Variants in LRBA observed in about 807,000 individuals in gnomAD.
LRBA encodes the protein LPS responsive beige-like anchor protein.
Under a neutral mutation model 330.0 loss-of-function variants are expected in LRBA, and 176 were observed. The ratio of observed to expected loss-of-function variants is 0.53; its 90% CI spans 0.47 to 0.60. The LOEUF (loss-of-function observed/expected upper bound fraction) is 0.60. LRBA is among the 20% of genes least tolerant of loss of function. LRBA has a pLI of 0.00. For synonymous variants in LRBA, 1,230 were observed against 1,193.0 expected (o/e 1.03, Z -0.64); for missense variants, 3,259 against 3,444.8 (o/e 0.95, Z 1.35).
At chr4:150,966,345 T>C (rs1738883344) in intron 2 of LRBA, among the ~76,000 whole-genome samples, 1 of 151,646 alleles carries the variant, frequency 6.6e-6, no homozygotes, top group Admixed American at 6.6e-5. Context: ...TCTCGTTCTG[T>C]CACCCAGGCT....
In LRBA at chr4:150,411,436, G is replaced by A. The variant is rs1746982426; in HGVS notation, c.7194+4002C>T. Among the ~76,000 whole-genome samples the A allele has an allele frequency of 2.0e-5, 3 of 152,210 alleles. No individual in the cohort carries two copies. The South Asian group carries it at 6.2e-4, about 32-fold the overall frequency. Reference sequence around the variant, plus strand: ...CAAATACTTAAAAAAGACATGCTGGGTATCTTAAAATGAGTATGTCAGTTA... The same window carrying A: ...CAAATACTTAAAAAAGACATGCTGGATATCTTAAAATGAGTATGTCAGTTA... On this transcript the variant is annotated intron_variant, in intron 47 of 56. Transcript: ENST00000651943.
chr4:150,392,644 T>C (rs916005625), intron 47 of LRBA, among the ~76,000 whole-genome samples: 2 of 152,126 alleles, frequency 1.3e-5, no homozygotes, highest in Non-Finnish European at 2.9e-5. Flanking sequence ...TGTTGGTGTA[T>C]AGGAATGCTT....
At chr4:150,500,190 A>G (rs144355918) in intron 40 of LRBA, among the ~76,000 whole-genome samples, 3 of 152,114 alleles carry the variant, frequency 2.0e-5, no homozygotes, top group Non-Finnish European at 4.4e-5. Context: ...TTATGTGTAT[A>G]CAACATCTTT....
chr4:150,467,612 A>C, intron 44 of LRBA, 61 bp downstream of exon 44: 1 of 1,042,592 alleles, frequency 9.6e-7, no homozygotes, highest in Non-Finnish European at 1.4e-6. Context: ...ATAACGAAAG[A>C]CAATCCAATT....
At chr4:150,814,382 G>C (rs867202119) in intron 31 of LRBA, among the ~76,000 whole-genome samples, 5 of 152,122 alleles carry the variant, frequency 3.3e-5, no homozygotes, top group Non-Finnish European at 4.4e-5. Context: ...GGCGGCAGAA[G>C]AGTAAGAAGC....
intron 40 of LRBA, among the ~76,000 whole-genome samples, chr4:150,493,810 A>G (rs1402193074): frequency 6.6e-6 from 1 of 152,222 alleles, no homozygotes; most frequent in African/African-American, 2.4e-5. Context: ...TGTATCCATA[A>G]GAAAAACAAG....
chr4:151,001,542 A>AC (rs1229858898), intron 2 of LRBA, among the ~76,000 whole-genome samples: 1 of 151,208 alleles, frequency 6.6e-6, no homozygotes, highest in Non-Finnish European at 1.5e-5. Flanking sequence ...GGATAGGGCT[A>AC]CCCCCCACCT....
At chr4:150,683,766 TA>T (rs1783263966) in intron 36 of LRBA, 49 bp from the exon 37 acceptor site, 1 of 1,354,934 alleles carries the variant, frequency 7.4e-7, no homozygotes, top group South Asian at 1.4e-5. Flanking sequence ...AAAAAACCTT[TA>T]AAATCCATTA....
intron 37 of LRBA, chr4:150,679,680 T>A (rs1782882081): frequency 6.6e-6 from 1 of 152,204 alleles, no homozygotes; most frequent in South Asian, 2.1e-4. Flanking sequence ...TCAAGCAATC[T>A]GAAAAGGAGT....
At chr4:150,288,954 G>A (rs770954154) in intron 53 of LRBA, among the ~76,000 whole-genome samples, 33 of 152,196 alleles carry the variant, frequency 2.2e-4, no homozygotes, top group Non-Finnish European at 4.1e-4. Flanking sequence ...ACAAAGGACA[G>A]ATAGATAATG....
chr4:150,644,840 TG>T (rs921428266), intron 37 of LRBA, among the ~76,000 whole-genome samples: 4 of 151,812 alleles, frequency 2.6e-5, no homozygotes, highest in Non-Finnish European at 5.9e-5. Flanking sequence ...AAAGTATGTA[TG>T]GGGGAGAAAA....
chr4:150,988,296 C>T (rs1301548251), intron 2 of LRBA, among the ~76,000 whole-genome samples: 1 of 152,142 alleles, frequency 6.6e-6, no homozygotes, highest in Non-Finnish European at 1.5e-5. Context: ...ATTCAACACA[C>T]CATGGATATT....
intron 17 of LRBA, among the ~76,000 whole-genome samples, chr4:150,884,856 T>C (rs1272612727): frequency 6.6e-6 from 1 of 152,066 alleles, no homozygotes; most frequent in African/African-American, 2.4e-5. Flanking sequence ...AAATGTTAGA[T>C]TCAGCAAATA....
At chr4:150,448,770 C>A (rs187871227) in intron 44 of LRBA, among the ~76,000 whole-genome samples, 12 of 121,634 alleles carry the variant, frequency 9.9e-5, no homozygotes, top group African/African-American at 3.9e-4. Flanking sequence ...CCCTTGCACT[C>A]CAGTCTGAGC....
chr4:150,958,521 T>C (rs1737797912), intron 2 of LRBA, among the ~76,000 whole-genome samples: 1 of 149,250 alleles, frequency 6.7e-6, no homozygotes, highest in Non-Finnish European at 1.5e-5. Context: ...ATTTCCCTAT[T>C]GTCTTGGCAA....
intron 46 of LRBA, chr4:150,423,435 G>A (rs1243498303): frequency 1.8e-5 from 11 of 609,722 alleles, no homozygotes; most frequent in Middle Eastern, 6.7e-4. Flanking sequence ...AGGCTCTGGC[G>A]GTGAGCTGTT....
At chr4:150,405,849 GT>G (rs1160250205) in intron 47 of LRBA, among the ~76,000 whole-genome samples, 1 of 151,966 alleles carries the variant, frequency 6.6e-6, no homozygotes, top group Non-Finnish European at 1.5e-5. Context: ...GAGGTCAGGA[GT>G]TCAAGACCAG....
chr4:150,534,981 T>C (rs1764489086), intron 40 of LRBA, among the ~76,000 whole-genome samples: 1 of 152,226 alleles, frequency 6.6e-6, no homozygotes, highest in African/African-American at 2.4e-5. Flanking sequence ...TTTAAAATCA[T>C]TATTTCACAT....
chr4:150,564,511 G>C (rs1408122919), intron 40 of LRBA, among the ~76,000 whole-genome samples: 1 of 152,104 alleles, frequency 6.6e-6, no homozygotes, highest in Non-Finnish European at 1.5e-5. Context: ...CAAAAGCAAT[G>C]ACAACAAAGC....
Sources: gnomAD v4.1 joint callset for allele counts (sites outside exome capture counted in the v4.1 genomes callset) on GRCh38, gnomAD v4.1.1 for gene constraint, MANE v1.5 for transcripts, NCBI Gene and HGNC (gene_info 2026-07-23, HGNC 2026-07-21) for gene names.